SEC23B: variants seen among roughly 807,000 people sequenced by gnomAD.
The protein encoded by SEC23B is protein transport protein Sec23B.
In SEC23B, 77 loss-of-function variants were observed where a neutral mutation model predicts 104.3. The ratio of observed to expected loss-of-function variants is 0.74; its 90% CI spans 0.61 to 0.89. The LOEUF (loss-of-function observed/expected upper bound fraction) is 0.89. Among genes scored for constraint, SEC23B ranks in the 40% least tolerant of loss-of-function variants. The probability of loss-of-function intolerance (pLI) is 0.00; values close to 1 mark genes in which losing one functional copy is unlikely to be tolerated. For missense variants in SEC23B, 885 were observed against 949.4 expected (o/e 0.93, Z 0.89); for synonymous variants, 338 against 332.5 (o/e 1.02, Z -0.18).
intron 7 of SEC23B, among the ~76,000 whole-genome samples, chr20:18,526,134 C>CT (rs1226807467): frequency 1.3e-5 from 2 of 152,136 alleles, no homozygotes; most frequent in Non-Finnish European, 2.9e-5. Flanking sequence ...CATTGAAAAA[C>CT]TAAGAATTAG....
rs142365776 is a variant in SEC23B, at chr20:18,542,104, C to T, written c.1405-192C>T. 1.9e-4 allele frequency among the ~76,000 whole-genome samples: 29 copies of T among 152,304 alleles called. No individual in the cohort carries two copies. In the South Asian group the frequency reaches 2.3e-3, roughly 12 times the overall value. On this transcript the variant is annotated intron_variant, in intron 12 of 19. Coordinates refer to ENST00000650089, the MANE Select transcript of SEC23B (RefSeq NM_006363.6). ...TCATTAACTTAAGTTCAGTATTGAACGTAGTTCTTCAACTTTTTTGGAGAT... is the reference window on the plus strand; with the variant it reads ...TCATTAACTTAAGTTCAGTATTGAATGTAGTTCTTCAACTTTTTTGGAGAT...
intron 6 of SEC23B, 58 bp downstream of exon 6, chr20:18,525,078 G>A: frequency 7.2e-7 from 1 of 1,384,976 alleles, no homozygotes; most frequent in South Asian, 1.2e-5. Flanking sequence ...ATGATCCATG[G>A]GAGTAAGGGA....
chr20:18,539,243 C>T (rs370809793), intron 12 of SEC23B, among the ~76,000 whole-genome samples: 7 of 147,108 alleles, frequency 4.8e-5, no homozygotes, highest in African/African-American at 1.5e-4. Context: ...CGGTGGCTCA[C>T]GCCTGTAATC....
At chr20:18,514,292 C>G (rs1600227638) in intron 3 of SEC23B, among the ~76,000 whole-genome samples, 1 of 152,170 alleles carries the variant, frequency 6.6e-6, no homozygotes, top group East Asian at 1.9e-4. Context: ...CGTGGGTGAA[C>G]AGGGCCTCTC....
intron 12 of SEC23B, among the ~76,000 whole-genome samples, chr20:18,538,374 C>G (rs1245698174): frequency 6.6e-6 from 1 of 151,752 alleles, no homozygotes; most frequent in Admixed American, 6.6e-5. Context: ...CTCAGCCTCC[C>G]GAGTAGCTGG....
rs57738665 is a variant in SEC23B at position 18,530,814 on chromosome 20, C to CTTT, written c.1233+23_1233+25dup. The stretch of plus-strand genomic sequence containing the variant: ...ACTTTGGACGTAAAGGTACGGTAAA[C>CTTT]TTTTTTTTTTTTTTATGTGGACTCA... On this transcript the variant is annotated intron_variant, in intron 10 of 19. Transcript: ENST00000650089. 238 of 1,437,642 alleles carry CTTT rather than the reference C, an allele frequency of 1.7e-4. 1 individual carries two copies. The highest frequency in any genetic ancestry group is 4.1e-4 in the East Asian group (17 of 41,436). 89.1% of individuals were successfully genotyped at this position (1,437,642 alleles called of 1,614,324 possible).
chr20:18,522,421 GA>G (rs1045909327), intron 4 of SEC23B, among the ~76,000 whole-genome samples: 1 of 152,222 alleles, frequency 6.6e-6, no homozygotes, highest in African/African-American at 2.4e-5. Context: ...TACTAGAGAG[GA>G]AAAAGAACTG....
At chr20:18,552,668 G>T (rs1296314219) in intron 17 of SEC23B, among the ~76,000 whole-genome samples, 1 of 152,014 alleles carries the variant, frequency 6.6e-6, no homozygotes, top group African/African-American at 2.4e-5. Context: ...ACAAAAATTA[G>T]CTGGGCATGG....
chr20:18,527,486 C>G lies in SEC23B; in HGVS notation c.994-10C>G, dbSNP rs774426758. ...ACTGTTTCCTAAAGATAGCTTTCCTCTCTTCACAGCACTATGAGATGCTTG... is the reference window on the plus strand; with the variant it reads ...ACTGTTTCCTAAAGATAGCTTTCCTGTCTTCACAGCACTATGAGATGCTTG... On this transcript the variant is annotated splice_polypyrimidine_tract_variant and intron_variant, in intron 8 of 19. Coordinates refer to ENST00000650089, the MANE Select transcript of SEC23B (RefSeq NM_006363.6). 7 of 1,500,194 alleles carry G rather than the reference C, an allele frequency of 4.7e-6. No individual in the cohort carries two copies. The East Asian group carries it at 9.0e-5, about 19-fold the overall frequency. The allele number at this position is 1,500,194 out of a possible 1,614,324, so 92.9% of individuals were successfully genotyped here.
At chr20:18,541,241 A>G (rs538035428) in intron 12 of SEC23B, among the ~76,000 whole-genome samples, 13 of 152,378 alleles carry the variant, frequency 8.5e-5, no homozygotes, top group Non-Finnish European at 1.3e-4. Context: ...GCCCTGGCTT[A>G]AGGGAATGTT....
chr20:18,508,561 A>G (rs1258355421), intron 1 of SEC23B, among the ~76,000 whole-genome samples: 1 of 152,164 alleles, frequency 6.6e-6, no homozygotes, highest in African/African-American at 2.4e-5. Context: ...GCATAACTTC[A>G]GATGATTAGT....
intron 16 of SEC23B, among the ~76,000 whole-genome samples, chr20:18,549,622 T>G (rs2060367444): frequency 6.6e-6 from 1 of 152,086 alleles, no homozygotes; most frequent in Non-Finnish European, 1.5e-5. Context: ...TTCTAAATAT[T>G]CCCTGCAAAA....
chr20:18,520,691 C>T lies in SEC23B; in HGVS notation c.367-3742C>T, dbSNP rs188776046. ...GCAGCCTGGCCGTCAATACCCACAACGGTTATGGAGGCAAGGGAAACAGGC... is the reference window on the plus strand; with the variant it reads ...GCAGCCTGGCCGTCAATACCCACAATGGTTATGGAGGCAAGGGAAACAGGC... On this transcript the variant is annotated intron_variant, in intron 4 of 19. Coordinates refer to ENST00000650089, the MANE Select transcript of SEC23B (RefSeq NM_006363.6). 4.3e-3 allele frequency among the ~76,000 whole-genome samples: 656 copies of T among 152,078 alleles called. 1 individual carries two copies. Among genetic ancestry groups the T allele is most frequent in the Middle Eastern group, 0.017 (5 of 294 alleles).
intron 9 of SEC23B, among the ~76,000 whole-genome samples, chr20:18,529,790 T>C (rs921257261): frequency 1.3e-5 from 2 of 152,122 alleles, no homozygotes; most frequent in Non-Finnish European, 2.9e-5. Flanking sequence ...AAGGAAGAGG[T>C]AGATATTTGG....
At chr20:18,509,391 G>A (rs1444378258) in intron 1 of SEC23B, among the ~76,000 whole-genome samples, 2 of 152,176 alleles carry the variant, frequency 1.3e-5, no homozygotes. Flanking sequence ...GGAAGTGGGC[G>A]CGAGAGGCCA....
chr20:18,529,792 G>A (rs1269629955), intron 9 of SEC23B, among the ~76,000 whole-genome samples: 1 of 152,246 alleles, frequency 6.6e-6, no homozygotes, highest in Non-Finnish European at 1.5e-5. Flanking sequence ...GGAAGAGGTA[G>A]ATATTTGGTG....
chr20:18,516,774 C>T (rs767647061), intron 4 of SEC23B, among the ~76,000 whole-genome samples: 16 of 151,926 alleles, frequency 1.1e-4, no homozygotes, highest in South Asian at 2.1e-4. Context: ...AGGATGGTCT[C>T]GTTCTCCTGA....
intron 2 of SEC23B, among the ~76,000 whole-genome samples, chr20:18,511,463 C>T (rs2059981466): frequency 1.3e-5 from 2 of 151,668 alleles, no homozygotes. Context: ...GGAGAAGTAG[C>T]AGGCAGAAGA....
intron 4 of SEC23B, among the ~76,000 whole-genome samples, chr20:18,516,203 A>G (rs1264414854): frequency 6.7e-6 from 1 of 148,192 alleles, no homozygotes; most frequent in Non-Finnish European, 1.5e-5. Context: ...TGATGTTACC[A>G]TTGCCTATTT....
Sources: gnomAD v4.1 joint callset for allele counts (sites outside exome capture counted in the v4.1 genomes callset) on GRCh38, gnomAD v4.1.1 for gene constraint, MANE v1.5 for transcripts, NCBI Gene and HGNC (gene_info 2026-07-23, HGNC 2026-07-21) for gene names.